Variants in SLC24A3 observed in about 807,000 individuals in gnomAD.
SLC24A3 encodes solute carrier family 24 member 3.
Under a neutral mutation model 75.8 loss-of-function variants are expected in SLC24A3, and 28 were observed. That is an observed-to-expected ratio of 0.37 (90% CI 0.27 to 0.51). SLC24A3 has a LOEUF of 0.51. SLC24A3 is among the 20% of genes least tolerant of loss of function. SLC24A3 has a pLI of 0.94. For missense variants in SLC24A3, 663 were observed against 847.8 expected (o/e 0.78, Z 2.71); for synonymous variants, 372 against 334.1 (o/e 1.11, Z -1.24).
intron 6 of SLC24A3, among the ~76,000 whole-genome samples, chr20:19,613,133 C>A (rs1446339505): frequency 6.6e-6 from 1 of 152,218 alleles, no homozygotes; most frequent in Non-Finnish European, 1.5e-5. Flanking sequence ...CCACCCAGAA[C>A]CCCCAGTTCC....
At chr20:19,542,203 G>A (rs1293765207) in intron 3 of SLC24A3, among the ~76,000 whole-genome samples, 2 of 152,210 alleles carry the variant, frequency 1.3e-5, no homozygotes, top group Non-Finnish European at 1.5e-5. Flanking sequence ...TTCAATTTAT[G>A]CAGTCCAATC....
At chr20:19,575,393 C>T (rs2031119242) in intron 3 of SLC24A3, among the ~76,000 whole-genome samples, 1 of 151,914 alleles carries the variant, frequency 6.6e-6, no homozygotes, top group Non-Finnish European at 1.5e-5. Flanking sequence ...CTGCTGCCCT[C>T]AATAGAAGGG....
At chr20:19,583,346 T>C (rs900224022) in intron 4 of SLC24A3, among the ~76,000 whole-genome samples, 3 of 151,982 alleles carry the variant, frequency 2.0e-5, no homozygotes, top group Non-Finnish European at 4.4e-5. Context: ...GGTGAGAGAA[T>C]GTGTGAGCCG....
chr20:19,347,661 A>G (rs906499353), intron 2 of SLC24A3, among the ~76,000 whole-genome samples: 3 of 152,230 alleles, frequency 2.0e-5, no homozygotes, highest in Admixed American at 1.3e-4. Flanking sequence ...TTTGCTTGTT[A>G]AAAAATGAGT....
intron 2 of SLC24A3, among the ~76,000 whole-genome samples, chr20:19,490,164 G>A (rs1323150501): frequency 1.3e-5 from 2 of 152,080 alleles, no homozygotes; most frequent in Non-Finnish European, 2.9e-5. Context: ...TTGATCCAAG[G>A]CCACATGTCC....
At chr20:19,258,250 A>T (rs536456061) in intron 1 of SLC24A3, among the ~76,000 whole-genome samples, 1 of 152,250 alleles carries the variant, frequency 6.6e-6, no homozygotes, top group South Asian at 2.1e-4. Flanking sequence ...CCACCCCATG[A>T]GCTCTTCTTC....
chr20:19,303,347 T>A (rs1282123536), intron 2 of SLC24A3, among the ~76,000 whole-genome samples: 1 of 152,232 alleles, frequency 6.6e-6, no homozygotes, highest in Non-Finnish European at 1.5e-5. Flanking sequence ...CTCTCGTTCT[T>A]TTCTTACGGC....
intron 2 of SLC24A3, among the ~76,000 whole-genome samples, chr20:19,300,355 G>T (rs1984166394): frequency 6.6e-6 from 1 of 152,158 alleles, no homozygotes; most frequent in African/African-American, 2.4e-5. Context: ...GATGACCCCA[G>T]CTGAGGTCCT....
chr20:19,559,850 C>A (rs1436104716), intron 3 of SLC24A3, among the ~76,000 whole-genome samples: 1 of 151,782 alleles, frequency 6.6e-6, no homozygotes, highest in Non-Finnish European at 1.5e-5. Context: ...AAAAGCAAAC[C>A]CTAGATGAGG....
At chr20:19,406,042 G>A (rs1049910147) in intron 2 of SLC24A3, among the ~76,000 whole-genome samples, 7 of 152,122 alleles carry the variant, frequency 4.6e-5, no homozygotes, top group African/African-American at 1.7e-4. Flanking sequence ...CTGGAGTCTT[G>A]GGCCTGCCCC....
Position 19,212,803 on chromosome 20 carries a change from C to CGGCCGCCGCCCGCCGA in SLC24A3, c.-27_-12dup. ...CCGCCGCGGCCGCCCGCGACAGGAG[C>CGGCCGCCGCCCGCCGA]GGCCGCCGCCCGCCGAGGCCGCCGC... is the stretch of plus-strand genomic sequence containing the variant. On this transcript the variant is annotated 5_prime_UTR_variant, in exon 1 of 17. Coordinates refer to ENST00000328041, the MANE Select transcript of SLC24A3 (RefSeq NM_020689.4). 3.1e-6 allele frequency: 3 copies of CGGCCGCCGCCCGCCGA among 979,430 alleles called. No individual in the cohort carries two copies. The highest frequency in any genetic ancestry group is 3.6e-6 in the Non-Finnish European group (3 of 827,434). 60.7% of individuals were successfully genotyped at this position (979,430 alleles called of 1,614,324 possible).
intron 7 of SLC24A3, among the ~76,000 whole-genome samples, chr20:19,660,479 C>T (rs1238591952): frequency 1.3e-5 from 2 of 152,136 alleles, no homozygotes; most frequent in African/African-American, 2.4e-5. Context: ...CGTTTCTTTT[C>T]GTGGCTCAGT....
chr20:19,322,527 C>T (rs1347911790), intron 2 of SLC24A3, among the ~76,000 whole-genome samples: 1 of 152,120 alleles, frequency 6.6e-6, no homozygotes, highest in East Asian at 1.9e-4. Flanking sequence ...ATGGTCCTAA[C>T]AGAATTTCCA....
chr20:19,572,803 C>A (rs2031073957), intron 3 of SLC24A3, among the ~76,000 whole-genome samples: 1 of 152,168 alleles, frequency 6.6e-6, no homozygotes. Context: ...ACACTGGTAG[C>A]AGCACCCTAC....
At chr20:19,479,664 C>G (rs1436554244) in intron 2 of SLC24A3, among the ~76,000 whole-genome samples, 6 of 152,340 alleles carry the variant, frequency 3.9e-5, no homozygotes, top group Admixed American at 3.9e-4. Context: ...CTTTCTCCAG[C>G]TGGAGAGCTC....
At chr20:19,437,297 A>G (rs1360469982) in intron 2 of SLC24A3, among the ~76,000 whole-genome samples, 2 of 152,184 alleles carry the variant, frequency 1.3e-5, no homozygotes, top group African/African-American at 2.4e-5. Context: ...TGTTCTCATG[A>G]TAATGAGTGA....
At chr20:19,714,400 G>A (rs1466977844) in intron 15 of SLC24A3, among the ~76,000 whole-genome samples, 2 of 98,934 alleles carry the variant, frequency 2.0e-5, no homozygotes, top group African/African-American at 4.2e-5. Flanking sequence ...ATGAGACCCA[G>A]TCTCTAAAAA....
At chr20:19,427,791 G>A (rs1174240405) in intron 2 of SLC24A3, among the ~76,000 whole-genome samples, 1 of 152,230 alleles carries the variant, frequency 6.6e-6, no homozygotes, top group East Asian at 1.9e-4. Flanking sequence ...GAACCAGTGG[G>A]ACCTGTAGAG....
At chr20:19,241,563 C>T (rs895687096) in intron 1 of SLC24A3, among the ~76,000 whole-genome samples, 7 of 152,228 alleles carry the variant, frequency 4.6e-5, no homozygotes, top group South Asian at 2.1e-4. Context: ...GAATTCTTTT[C>T]AAAAATTGAA....
Sources: allele counts gnomAD v4.1 joint callset (sites outside exome capture counted in the v4.1 genomes callset), GRCh38; gene constraint gnomAD v4.1.1; transcripts MANE v1.5; gene names NCBI Gene and HGNC (gene_info 2026-07-23, HGNC 2026-07-21).